The following PDE4D variants were observed in gnomAD, a reference collection of about 807,000 sequenced individuals.
PDE4D encodes the protein phosphodiesterase 4D.
Under a neutral mutation model 87.4 loss-of-function variants are expected in PDE4D, and 24 were observed. The observed-to-expected ratio is 0.27, with a 90% CI of 0.20 to 0.39. The LOEUF (loss-of-function observed/expected upper bound fraction) is 0.39, where lower values mean the gene tolerates loss of function less well. Ranked by LOEUF, PDE4D falls within the 10% of genes least tolerant of loss-of-function variation. The pLI, the probability that PDE4D is intolerant of heterozygous loss-of-function variation, is 1.00. For missense variants in PDE4D, 714 were observed against 1,041.0 expected, an observed-to-expected ratio of 0.69 and a Z score of 4.32; for synonymous variants, 384 against 383.2, an observed-to-expected ratio of 1.00 and a Z score of -0.02.
chr5:60,170,554 G>GT (rs537436470), intron 2 of PDE4D, among the ~76,000 whole-genome samples: 2 of 151,902 alleles, frequency 1.3e-5, no homozygotes, highest in African/African-American at 4.8e-5. Flanking sequence ...ATAAGGTAAT[G>GT]TTTTTTAAGA....
Position 59,666,023 on chromosome 5 carries a change from C to T in PDE4D, c.455+227145G>A, listed in dbSNP as rs114919329. 6.6e-3 allele frequency among the ~76,000 whole-genome samples: 1,011 copies of T among 152,274 alleles called. 21 individuals carry two copies. The East Asian group carries it at 0.069, about 10-fold the overall frequency. On this transcript the variant is annotated intron_variant, in intron 1 of 14. Coordinates refer to ENST00000340635, the MANE Select transcript of PDE4D (RefSeq NM_001104631.2). ...TCGGCCAGGCTGGAGTGCAGTGGGACAATCTCTGCTCACTGCAAGCTCTGC... is the reference window on the plus strand; with the variant it reads ...TCGGCCAGGCTGGAGTGCAGTGGGATAATCTCTGCTCACTGCAAGCTCTGC...
At chr5:59,220,471 A>G (rs550997108) in intron 1 of PDE4D, among the ~76,000 whole-genome samples, 18 of 151,992 alleles carry the variant, frequency 1.2e-4, no homozygotes, top group Admixed American at 2.6e-4. Flanking sequence ...GAGGACCCCC[A>G]AAAAGGCTTG....
rs76060546 is a variant in PDE4D at position 59,296,797 on chromosome 5, A to G, written c.456-80829T>C. 8.0e-3 allele frequency among the ~76,000 whole-genome samples: 1,159 copies of G among 144,262 alleles called. 11 individuals carry two copies. The highest frequency in any genetic ancestry group is 0.027 in the African/African-American group (1,024 of 38,058). 94.6% of individuals were successfully genotyped at this position (144,262 alleles called of 152,430 possible). On this transcript the variant is annotated intron_variant, in intron 1 of 14. Coordinates refer to ENST00000340635, the MANE Select transcript of PDE4D (RefSeq NM_001104631.2). Reference sequence around the variant, plus strand: ...AACACACACACACACACACACACACACGCGTGCATGCACGTAAAAAGCAAG... The same window carrying G: ...AACACACACACACACACACACACACGCGCGTGCATGCACGTAAAAAGCAAG...
chr5:59,510,170 G>T (rs1810042202), intron 1 of PDE4D, among the ~76,000 whole-genome samples: 1 of 150,026 alleles, frequency 6.7e-6, no homozygotes, highest in Non-Finnish European at 1.5e-5. Context: ...GAAATCAAAG[G>T]GATTTATAAA....
intron 1 of PDE4D, among the ~76,000 whole-genome samples, chr5:59,466,088 C>T (rs1160726246): frequency 6.6e-6 from 1 of 152,048 alleles, no homozygotes; most frequent in Admixed American, 6.6e-5. Flanking sequence ...CTTTTGAATG[C>T]TGGCTCTAGA....
At chr5:60,379,469 AG>A (rs1442704291) in intron 1 of PDE4D, among the ~76,000 whole-genome samples, 1 of 152,206 alleles carries the variant, frequency 6.6e-6, no homozygotes, top group Non-Finnish European at 1.5e-5. Flanking sequence ...ATTCTTGGGA[AG>A]TGCAAAGCAG....
intron 1 of PDE4D, among the ~76,000 whole-genome samples, chr5:59,723,094 CA>C (rs1170830201): frequency 2.0e-5 from 3 of 151,992 alleles, no homozygotes; most frequent in Non-Finnish European, 4.4e-5. Flanking sequence ...GAAGTCACAT[CA>C]AAACCAAAGC....
At chr5:60,403,236 T>A (rs1318521294) in intron 1 of PDE4D, among the ~76,000 whole-genome samples, 1 of 152,166 alleles carries the variant, frequency 6.6e-6, no homozygotes, top group African/African-American at 2.4e-5. Flanking sequence ...TAAAGTAATA[T>A]TTGCTTTTAA....
At chr5:59,914,866 G>GGTGT (rs3062699) in intron 3 of PDE4D, among the ~76,000 whole-genome samples, 14,282 of 122,238 alleles carry the variant, frequency 0.12, 959 homozygotes, top group Admixed American at 0.19. Flanking sequence ...TACTGATAGG[G>GGTGT]GTGTGTGTGT....
intron 5 of PDE4D, among the ~76,000 whole-genome samples, chr5:59,103,022 A>T (rs1771022927): frequency 6.6e-6 from 1 of 152,176 alleles, no homozygotes; most frequent in Non-Finnish European, 1.5e-5. Context: ...GCAGCTTCTA[A>T]TTAGAAGTTT....
intron 1 of PDE4D, among the ~76,000 whole-genome samples, chr5:60,275,439 G>A (rs1751265377): frequency 1.3e-5 from 2 of 152,066 alleles, no homozygotes; most frequent in Non-Finnish European, 2.9e-5. Flanking sequence ...CATTTCCAGA[G>A]ATATGTTTGG....
intron 2 of PDE4D, among the ~76,000 whole-genome samples, chr5:60,035,302 A>G (rs774023259): frequency 4.6e-5 from 7 of 151,628 alleles, no homozygotes; most frequent in East Asian, 1.9e-4. Context: ...TTAAATATCA[A>G]TGTTGAGAAT....
chr5:60,338,496 C>T (rs1161834980), intron 1 of PDE4D, among the ~76,000 whole-genome samples: 3 of 152,168 alleles, frequency 2.0e-5, no homozygotes, highest in African/African-American at 7.2e-5. Flanking sequence ...GAGTCCCAGC[C>T]TGAGTCACAT....
chr5:60,188,617 T>A (rs1212934884), intron 1 of PDE4D, among the ~76,000 whole-genome samples: 1 of 152,092 alleles, frequency 6.6e-6, no homozygotes, highest in Admixed American at 6.5e-5. Context: ...GGGGAAATGG[T>A]AGATGTGCTC....
At chr5:59,633,186 T>TA (rs962810628) in intron 1 of PDE4D, among the ~76,000 whole-genome samples, 6 of 151,472 alleles carry the variant, frequency 4.0e-5, no homozygotes, top group South Asian at 2.1e-4. Flanking sequence ...CAAGATTAGA[T>TA]AAAAAAAGAA....
intron 2 of PDE4D, among the ~76,000 whole-genome samples, chr5:60,110,291 C>G (rs1777539476): frequency 2.0e-5 from 3 of 151,912 alleles, no homozygotes; most frequent in Admixed American, 6.6e-5. Context: ...GGACTAATAT[C>G]CAGAATATAC....
chr5:59,535,493 C>A (rs547577908), intron 1 of PDE4D, among the ~76,000 whole-genome samples: 1 of 152,216 alleles, frequency 6.6e-6, no homozygotes, highest in African/African-American at 2.4e-5. Context: ...TACATATTTA[C>A]CTCCTAGGGA....
At chr5:59,507,676 A>AG (rs1395534209) in intron 1 of PDE4D, among the ~76,000 whole-genome samples, 35 of 148,450 alleles carry the variant, frequency 2.4e-4, no homozygotes, top group African/African-American at 8.2e-4. Flanking sequence ...AAAAAAAAAA[A>AG]AAAAAAAGAA....
At chr5:60,376,221 A>T (rs1477954235) in intron 1 of PDE4D, among the ~76,000 whole-genome samples, 2 of 152,206 alleles carry the variant, frequency 1.3e-5, no homozygotes. Context: ...ATGGGCCACA[A>T]ACTGCTCTGA....
Sources: gnomAD v4.1 joint callset for allele counts (sites outside exome capture counted in the v4.1 genomes callset) on GRCh38, gnomAD v4.1.1 for gene constraint, MANE v1.5 for transcripts, NCBI Gene and HGNC (gene_info 2026-07-23, HGNC 2026-07-21) for gene names.